ABI3BP: variants seen among roughly 807,000 people sequenced by gnomAD.
ABI3BP encodes ABI family member 3 binding protein.
In ABI3BP, 216 loss-of-function variants were observed where a neutral mutation model predicts 268.6. The observed-to-expected ratio is 0.80, with a 90% CI of 0.72 to 0.90. The LOEUF (loss-of-function observed/expected upper bound fraction) is 0.90. ABI3BP is among the 40% of genes least tolerant of loss of function. The probability of loss-of-function intolerance (pLI) is 0.00; values close to 1 mark genes in which losing one functional copy is unlikely to be tolerated. For synonymous variants in ABI3BP, 730 were observed against 730.0 expected, an observed-to-expected ratio of 1.00 and a Z score of 0.00; for missense variants, 2,090 against 2,182.4, an observed-to-expected ratio of 0.96 and a Z score of 0.84.
intron 14 of ABI3BP, among the ~76,000 whole-genome samples, chr3:100,860,825 C>G (rs999998149): frequency 1.3e-5 from 2 of 152,168 alleles, no homozygotes; most frequent in South Asian, 4.1e-4. Flanking sequence ...AAAAGTTTAT[C>G]TAGTCCCTAA....
intron 4 of ABI3BP, among the ~76,000 whole-genome samples, chr3:100,894,682 G>A (rs372198343): frequency 2.5e-3 from 373 of 152,164 alleles, no homozygotes; most frequent in African/African-American, 8.5e-3. Flanking sequence ...GCTCACGCCT[G>A]TAATCCCAGC....
chr3:100,914,862 A>C (rs991983698), intron 2 of ABI3BP, among the ~76,000 whole-genome samples: 6 of 152,202 alleles, frequency 3.9e-5, no homozygotes, highest in African/African-American at 1.4e-4. Flanking sequence ...CATTTTAAAG[A>C]CAGTCCTTTG....
chr3:100,803,882 T>C (rs2097609440), intron 51 of ABI3BP, among the ~76,000 whole-genome samples: 1 of 152,208 alleles, frequency 6.6e-6, no homozygotes, highest in Non-Finnish European at 1.5e-5. Context: ...GCAGCAATAA[T>C]AGCCTTTGCT....
Position 100,770,845 on chromosome 3 carries a change from G to A in ABI3BP, c.4639C>T (p.Pro1547Ser), listed in dbSNP as rs1441550811. 1 of 1,604,986 alleles carries A rather than the reference G, an allele frequency of 6.2e-7. No homozygotes were observed. Among genetic ancestry groups the A allele is most frequent in the African/African-American group, 1.3e-5 (1 of 74,724 alleles). ...AGGTTGGTGGGTGGGTTCTGTGGTGGGCTGGTGGCATTCCCCTCTGTGGCC... is the reference window on the plus strand; with the variant it reads ...AGGTTGGTGGGTGGGTTCTGTGGTGAGCTGGTGGCATTCCCCTCTGTGGCC... ...EEATEGNATS[P>S]PQNPPTNLTV... Residue 1547 changes from proline to serine, a missense_variant, in exon 62 of 68, where the codon CCA (proline) becomes TCA (serine). Transcript: ENST00000471714.
chr3:100,902,669 G>C lies in ABI3BP; in HGVS notation c.277C>G (p.Leu93Val), dbSNP rs766832672. 2 of 1,613,888 alleles carry C rather than the reference G, an allele frequency of 1.2e-6. No homozygotes were observed. ...EAIVDAEPKYLIVVRPAPPPS... is the reference protein window; with the variant it reads ...EAIVDAEPKYVIVVRPAPPPS... ...GGTGGAGCAGGTCGCACAACTATCAGATATTTCGGCTCTGCATCTGGAAGC... is the reference window on the plus strand; with the variant it reads ...GGTGGAGCAGGTCGCACAACTATCACATATTTCGGCTCTGCATCTGGAAGC... The change falls in exon 3 of 68, where the codon CTG (leucine) becomes GTG (valine). Residue 93 changes from leucine (L) to valine (V), a missense_variant. Leu to Val is a conservative substitution (Grantham distance 32). Coordinates refer to ENST00000471714, the MANE Select transcript of ABI3BP (RefSeq NM_001375547.2).
chr3:100,753,856 G>A lies in ABI3BP; in HGVS notation c.4931-8C>T, dbSNP rs746615159. ...CACTCACTCTTGGGTCCGCTGAGGA[G>A]AAATAAATAGAAAAGTCAGACCTTA... On this transcript the variant is annotated splice_polypyrimidine_tract_variant and splice_region_variant and intron_variant, in intron 64 of 67. Transcript: ENST00000471714. The A allele has an allele frequency of 6.2e-7, 1 of 1,606,432 alleles. No homozygotes were observed. The highest frequency in any genetic ancestry group is 1.1e-5 in the South Asian group (1 of 89,062).
chr3:100,822,141 C>T (rs1425022065), intron 38 of ABI3BP, among the ~76,000 whole-genome samples: 1 of 152,124 alleles, frequency 6.6e-6, no homozygotes, highest in Non-Finnish European at 1.5e-5. Context: ...CTGCCCCATA[C>T]CATCTTTTAC....
At chr3:100,894,164 T>C (rs2046063358) in intron 4 of ABI3BP, among the ~76,000 whole-genome samples, 1 of 151,970 alleles carries the variant, frequency 6.6e-6, no homozygotes, top group South Asian at 2.1e-4. Context: ...GAAAAACGAA[T>C]GTATCTTCGG....
At chr3:100,924,958 GCT>G (rs1332399578) in intron 2 of ABI3BP, among the ~76,000 whole-genome samples, 3 of 152,116 alleles carry the variant, frequency 2.0e-5, no homozygotes, top group African/African-American at 7.2e-5. Context: ...CAAACACACG[GCT>G]TCCGGTCACT....
intron 63 of ABI3BP, among the ~76,000 whole-genome samples, chr3:100,756,488 C>T (rs1228435384): frequency 6.6e-6 from 1 of 152,134 alleles, no homozygotes; most frequent in Non-Finnish European, 1.5e-5. Context: ...GGTATTTTCA[C>T]ATGAAATATT....
chr3:100,945,378 G>A (rs530054622), intron 1 of ABI3BP, among the ~76,000 whole-genome samples: 33 of 152,166 alleles, frequency 2.2e-4, no homozygotes, highest in Middle Eastern at 3.4e-3. Flanking sequence ...ACAGCTCAAT[G>A]ATTTTATAGC....
rs72926253 is a variant in ABI3BP at position 100,864,110 on chromosome 3, G to A, written c.1064-34C>T. On this transcript the variant is annotated intron_variant, in intron 11 of 67. Transcript: ENST00000471714. ...AAAAAGAGTGCAGTTAGCAACTCCTGGACTTGGGTTTTGATGTTGTGGCTT... is the reference window on the plus strand; with the variant it reads ...AAAAAGAGTGCAGTTAGCAACTCCTAGACTTGGGTTTTGATGTTGTGGCTT... 0.014 allele frequency: 20,531 copies of A among 1,435,052 alleles called. 1,416 individuals are homozygous for A. In the East Asian group the frequency reaches 0.17, roughly 12 times the overall value. The allele number at this position is 1,435,052 out of a possible 1,614,324, so 88.9% of individuals were successfully genotyped here. A position where few individuals can be genotyped will look rare whatever the true frequency, so the allele number is the denominator to read the frequency against.
At position 100,866,928 on chromosome 3, in the gene ABI3BP, G is replaced by T. The variant is rs780263448; in HGVS notation, c.939C>A (p.Ala313=). ...LAKNETLALP[A]ESKTPEVEKI... ...TTTCAACCTCTGGTGTTTTAGATTC[G>T]GCAGGTAATGCCAAGGTTTCATTCT... Residue 313 remains alanine, a synonymous_variant, in exon 10 of 68, where the codon GCC becomes GCA. Coordinates refer to ENST00000471714, the MANE Select transcript of ABI3BP (RefSeq NM_001375547.2). The T allele has an allele frequency of 1.2e-6, 2 of 1,613,578 alleles. No individual in the cohort carries two copies. The highest frequency in any genetic ancestry group is 1.7e-6 in the Non-Finnish European group (2 of 1,179,784).
At chr3:100,945,657 T>C (rs1033446484) in intron 1 of ABI3BP, 21 of 448,896 alleles carry the variant, frequency 4.7e-5, no homozygotes, top group African/African-American at 3.8e-4. Context: ...GCTGTATCAC[T>C]AGTTCAGTCC....
chr3:100,769,354 C>T (rs2096463544), intron 62 of ABI3BP, among the ~76,000 whole-genome samples: 1 of 152,144 alleles, frequency 6.6e-6, no homozygotes, highest in Non-Finnish European at 1.5e-5. Flanking sequence ...CATTTAGTAA[C>T]AGCATTACAA....
At chr3:100,930,000 C>G (rs1326137945) in intron 1 of ABI3BP, among the ~76,000 whole-genome samples, 1 of 152,026 alleles carries the variant, frequency 6.6e-6, no homozygotes, top group African/African-American at 2.4e-5. Context: ...TGCCTATGTA[C>G]ATTCTACACT....
At chr3:100,929,733 A>G (rs1231567886) in intron 1 of ABI3BP, among the ~76,000 whole-genome samples, 1 of 152,052 alleles carries the variant, frequency 6.6e-6, no homozygotes, top group Non-Finnish European at 1.5e-5. Context: ...TCTGCAATGC[A>G]TATGAGGCTT....
At chr3:100,770,990 A>G in intron 61 of ABI3BP, 38 bp from the exon 62 acceptor site, 1 of 1,439,292 alleles carries the variant, frequency 6.9e-7, no homozygotes, top group Non-Finnish European at 9.3e-7. Flanking sequence ...AACATTTTTG[A>G]AACTCATGAA....
chr3:100,778,425 ATTCATTATCG>A, intron 58 of ABI3BP, 49 bp from the exon 59 acceptor site: 1 of 1,512,402 alleles, frequency 6.6e-7, no homozygotes, highest in South Asian at 1.2e-5. Context: ...CATCATAAAG[ATTCATTATCG>A]AAAAAAACAG....
Sources: gnomAD v4.1 joint callset for allele counts (sites outside exome capture counted in the v4.1 genomes callset) on GRCh38, gnomAD v4.1.1 for gene constraint, MANE v1.5 for transcripts, NCBI Gene and HGNC (gene_info 2026-07-23, HGNC 2026-07-21) for gene names.